Variants in NBEAL1 observed in about 807,000 individuals in gnomAD.
NBEAL1 encodes the protein neurobeachin-like protein 1.
Under a neutral mutation model 351.3 loss-of-function variants are expected in NBEAL1, and 273 were observed. The observed-to-expected ratio is 0.78, with a 90% CI of 0.70 to 0.86. NBEAL1 has a LOEUF of 0.86. Among genes scored for constraint, NBEAL1 ranks in the 40% least tolerant of loss-of-function variants. NBEAL1 has a pLI of 0.00. For missense variants in NBEAL1, 2,961 were observed against 3,201.3 expected (o/e 0.92, Z 1.81); for synonymous variants, 1,050 against 1,086.4 (o/e 0.97, Z 0.66).
Position 203,220,198 on chromosome 2 carries a change from T to C in NBEAL1, c.*2844T>C, listed in dbSNP as rs919681575. Among the ~76,000 whole-genome samples, 6 of 152,106 alleles carry C rather than the reference T, an allele frequency of 3.9e-5. No homozygotes were observed. The highest frequency in any genetic ancestry group is 7.4e-5 in the Non-Finnish European group (5 of 68,004). On this transcript the variant is annotated 3_prime_UTR_variant, in exon 56 of 56. Transcript: ENST00000683969. ...CTCAAGTTGGCTCTTACAAAGTCTG[T>C]TACCTGGCCAATTGTGGTGGCTCAC...
intron 19 of NBEAL1, among the ~76,000 whole-genome samples, chr2:203,124,139 C>A (rs953141708): frequency 2.0e-5 from 3 of 152,122 alleles, no homozygotes; most frequent in African/African-American, 4.8e-5. Flanking sequence ...GAGTTTGAGA[C>A]CAGCCTGGGC....
In NBEAL1 at chr2:203,056,482, A is replaced by G. The variant is rs1489877041; in HGVS notation, c.361A>G (p.Thr121Ala). The G allele has an allele frequency of 6.5e-7, 1 of 1,543,986 alleles. No individual in the cohort carries two copies. The highest frequency in any genetic ancestry group is 1.2e-5 in the South Asian group (1 of 84,140). The change falls in exon 5 of 56, where the codon ACC (threonine) becomes GCC (alanine). Residue 121 changes from threonine (T) to alanine (A), a missense_variant. Physicochemically the swap from Thr to Ala is moderately conservative, Grantham distance 58 (BLOSUM62 0). Transcript: ENST00000683969. ...GTCSYINYVI[T>A]MTTLYIQQLK... ...TTGCTCGTACATTAATTATGTCATC[A>G]CCATGACAACACTCTATATTCAGCA... is the stretch of plus-strand genomic sequence containing the variant.
At chr2:203,144,098 C>T (rs949490665) in intron 31 of NBEAL1, among the ~76,000 whole-genome samples, 1 of 150,892 alleles carries the variant, frequency 6.6e-6, no homozygotes, top group African/African-American at 2.4e-5. Context: ...GTAATCCCAG[C>T]TACTTGGGAG....
chr2:203,018,644 C>T (rs745892591), intron 2 of NBEAL1, among the ~76,000 whole-genome samples: 9 of 151,858 alleles, frequency 5.9e-5, no homozygotes, highest in Non-Finnish European at 1.3e-4. Context: ...CTTTTTAAAA[C>T]TTTTATTGTG....
At chr2:203,138,582 G>C in intron 30 of NBEAL1, 38 bp from the exon 31 acceptor site, 1 of 1,546,490 alleles carries the variant, frequency 6.5e-7, no homozygotes, top group Non-Finnish European at 8.7e-7. Flanking sequence ...TTGAAAAACT[G>C]AATGTTTTTA....
At chr2:203,121,434 C>A (rs2062828484) in intron 18 of NBEAL1, among the ~76,000 whole-genome samples, 2 of 152,002 alleles carry the variant, frequency 1.3e-5, no homozygotes, top group South Asian at 2.1e-4. Flanking sequence ...GGGTGGATCC[C>A]TTGAGGTCAG....
At position 203,175,147 on chromosome 2, in the gene NBEAL1, A is replaced by G. The variant is rs757126053; in HGVS notation, c.6324A>G (p.Lys2108=). Residue 2108 remains lysine (K), a splice_region_variant and synonymous_variant, in exon 42 of 56, where the codon AAA becomes AAG. Transcript: ENST00000683969. ...NEKNAKAMRE[K]YENFEDPMGT... is the part of the protein sequence containing the mutation. The stretch of plus-strand genomic sequence containing the variant: ...AAACTTTAGGATTTTTTCCCCACAG[A>G]TATGAAAATTTTGAGGATCCTATGG... 1.9e-6 allele frequency: 3 copies of G among 1,609,148 alleles called. No homozygotes were observed. Among genetic ancestry groups the G allele is most frequent in the Non-Finnish European group, 2.5e-6 (3 of 1,177,868 alleles).
intron 37 of NBEAL1, 38 bp from the exon 38 acceptor site, chr2:203,167,189 A>G: frequency 6.3e-7 from 1 of 1,577,474 alleles, no homozygotes; most frequent in Non-Finnish European, 8.6e-7. Flanking sequence ...GAGTAACTTT[A>G]TATGGTATCT....
At position 203,217,582 on chromosome 2, in the gene NBEAL1, A is replaced by G; in HGVS notation, c.*228A>G. On this transcript the variant is annotated 3_prime_UTR_variant, in exon 56 of 56. Coordinates refer to ENST00000683969, the MANE Select transcript of NBEAL1 (RefSeq NM_001378026.1). ...GTGGCCCATTCCTAAAGGTCATTGT[A>G]TCCATTTTTAAAACAAACTAAAATG... 9.0e-7 allele frequency: 1 copy of G among 1,113,706 alleles called. No homozygotes were observed. 69.0% of individuals were successfully genotyped at this position (1,113,706 alleles called of 1,614,324 possible). A position where few individuals can be genotyped will look rare whatever the true frequency, so the allele number is the denominator to read the frequency against.
At chr2:203,053,212 T>C (rs1303877640) in intron 4 of NBEAL1, among the ~76,000 whole-genome samples, 1 of 152,186 alleles carries the variant, frequency 6.6e-6, no homozygotes, top group African/African-American at 2.4e-5. Flanking sequence ...TGAGAGTTCC[T>C]GTTGCTCTTC....
intron 17 of NBEAL1, 103 bp downstream of exon 17, chr2:203,113,421 A>C (rs915575343): frequency 9.1e-6 from 6 of 659,276 alleles, no homozygotes; most frequent in Middle Eastern, 9.3e-4. Context: ...TATATTCTGA[A>C]GAATATATTT....
At chr2:203,197,782 G>T (rs1225818825) in intron 48 of NBEAL1, among the ~76,000 whole-genome samples, 8 of 151,974 alleles carry the variant, frequency 5.3e-5, no homozygotes, top group East Asian at 3.9e-4. Context: ...GGAGGCAGGT[G>T]CCTGTAATTC....
intron 54 of NBEAL1, 58 bp from the exon 55 acceptor site, chr2:203,213,460 T>G: frequency 7.0e-7 from 1 of 1,435,156 alleles, no homozygotes; most frequent in Non-Finnish European, 9.6e-7. Context: ...GATATAAAAT[T>G]CTGTGAATTC....
In NBEAL1 at chr2:203,166,277, G is replaced by T; in HGVS notation, c.5843G>T (p.Gly1948Val). 1 of 1,601,664 alleles carries T rather than the reference G, an allele frequency of 6.2e-7. No individual in the cohort carries two copies. Among genetic ancestry groups the T allele is most frequent in the East Asian group, 2.2e-5 (1 of 44,556 alleles). ...ACTCAACACATTTACTTCTATGATG[G>T]CAGCATTGAAAAAGAAGATGGTGAG... ...ITTQHIYFYD[G>V]SIEKEDGVGF... Residue 1948 changes from glycine to valine, a missense_variant, in exon 37 of 56, where the codon GGC (glycine) becomes GTC (valine). Physicochemically the swap from Gly to Val is moderately radical, Grantham distance 109. Transcript: ENST00000683969.
chr2:203,083,139 A>G, intron 8 of NBEAL1, 80 bp from the exon 9 acceptor site: 6 of 1,229,382 alleles, frequency 4.9e-6, no homozygotes, highest in South Asian at 4.8e-5. Flanking sequence ...TTGCCTGCAG[A>G]TGTATTAAAT....
intron 12 of NBEAL1, among the ~76,000 whole-genome samples, chr2:203,103,596 C>T (rs1300767294): frequency 6.6e-6 from 1 of 151,658 alleles, no homozygotes; most frequent in Non-Finnish European, 1.5e-5. Context: ...TTTTTGATGT[C>T]TCAATTTCCT....
intron 10 of NBEAL1, chr2:203,085,569 A>T (rs144867515): frequency 6.6e-6 from 1 of 152,162 alleles, no homozygotes; most frequent in African/African-American, 2.4e-5. Context: ...CTTCATGGCC[A>T]TTATTCCTAA....
At chr2:203,081,879 A>C (rs1341958746) in intron 8 of NBEAL1, among the ~76,000 whole-genome samples, 1 of 152,216 alleles carries the variant, frequency 6.6e-6, no homozygotes, top group Non-Finnish European at 1.5e-5. Flanking sequence ...AGGTGGCAGG[A>C]TCTCTGAGCC....
intron 2 of NBEAL1, among the ~76,000 whole-genome samples, chr2:203,031,360 A>T (rs1011985464): frequency 2.6e-5 from 4 of 152,234 alleles, no homozygotes; most frequent in Non-Finnish European, 4.4e-5. Context: ...GTTAATGTCA[A>T]ATTATATCCT....
Sources: gnomAD v4.1 joint callset for allele counts (sites outside exome capture counted in the v4.1 genomes callset) on GRCh38, gnomAD v4.1.1 for gene constraint, MANE v1.5 for transcripts, NCBI Gene and HGNC (gene_info 2026-07-23, HGNC 2026-07-21) for gene names.